The following ZNF536 variants were observed in gnomAD, a reference collection of about 807,000 sequenced individuals.
ZNF536 encodes zinc finger protein 536.
A neutral mutation model predicts 84.5 loss-of-function variants in ZNF536; 13 were observed. The observed-to-expected ratio is 0.15, with a 90% CI of 0.10 to 0.24. ZNF536 has a LOEUF of 0.24. Among genes scored for constraint, ZNF536 ranks in the 10% least tolerant of loss-of-function variants. ZNF536 has a pLI of 1.00. For missense variants in ZNF536, 1,536 were observed against 1,747.5 expected (o/e 0.88, Z 2.16); for synonymous variants, 811 against 742.5 (o/e 1.09, Z -1.50).
chr19:30,633,761 A>G (rs2048970895), intron 1 of ZNF536, among the ~76,000 whole-genome samples: 1 of 151,700 alleles, frequency 6.6e-6, no homozygotes, highest in Non-Finnish European at 1.5e-5. Context: ...TTTTGTAGAG[A>G]TGGGGTCTCA....
In ZNF536 at chr19:30,697,551, T is replaced by A. The variant is rs116555132; in HGVS notation, c.170-13206T>A. Among the ~76,000 whole-genome samples, 682 of 152,302 alleles carry A rather than the reference T, an allele frequency of 4.5e-3. 10 individuals carry two copies. The highest frequency in any genetic ancestry group is 0.015 in the African/African-American group (641 of 41,556). On this transcript the variant is annotated intron_variant, in intron 1 of 1. Transcript: ENST00000592773. ...CCTCACAGCAATCCTATTAGGGAGCTATTATTATTATTGCACCCATTTTAC... is the reference window on the plus strand; with the variant it reads ...CCTCACAGCAATCCTATTAGGGAGCAATTATTATTATTGCACCCATTTTAC...
chr19:30,440,881 GGATAGATAGATAGATAGATAGATAGATA>G (rs56021291), intron 1 of ZNF536, among the ~76,000 whole-genome samples: 50 of 145,672 alleles, frequency 3.4e-4, no homozygotes, highest in Admixed American at 1.0e-3. Context: ...ACTCTGGCCA[GGATAGATAGATAGATAGATAGATAGATA>G]GATAGATAGA....
intron 2 of ZNF536, among the ~76,000 whole-genome samples, chr19:30,500,012 C>T (rs2054885581): frequency 6.6e-6 from 1 of 152,346 alleles, no homozygotes. Flanking sequence ...ATAGCATTCC[C>T]TCCAGAAGTA....
At chr19:30,386,724 A>G (rs952695150) in intron 1 of ZNF536, among the ~76,000 whole-genome samples, 1 of 152,162 alleles carries the variant, frequency 6.6e-6, no homozygotes, top group Non-Finnish European at 1.5e-5. Context: ...ACATTTGCCA[A>G]CCTCAATATC....
At chr19:30,315,391 T>A (rs1002872079) in intron 2 of ZNF536, among the ~76,000 whole-genome samples, 2 of 151,882 alleles carry the variant, frequency 1.3e-5, no homozygotes, top group Admixed American at 6.6e-5. Context: ...GCCTGGAAAA[T>A]TGAGTCAGAG....
In ZNF536 at chr19:30,432,006, T is replaced by TATAC. The variant is rs149223384; in HGVS notation, c.-2-11554_-2-11553insTACA. On this transcript the variant is annotated intron_variant, in intron 1 of 4. Transcript: ENST00000355537. ...TTCATTAAAAGCATATATATATATA[T>TATAC]ACACACACACATACACACACACACA... Among the ~76,000 whole-genome samples the TATAC allele has an allele frequency of 4.8e-5, 7 of 146,078 alleles. 1 individual carries two copies. In the South Asian group the frequency reaches 1.6e-3, roughly 33 times the overall value.
At chr19:30,352,646 C>G (rs1024393119) in intron 3 of ZNF536, among the ~76,000 whole-genome samples, 2 of 152,156 alleles carry the variant, frequency 1.3e-5, no homozygotes, top group African/African-American at 4.8e-5. Flanking sequence ...AGATAGGAGT[C>G]CCGTACCTGC....
At chr19:30,491,287 A>G (rs2054499199) in intron 2 of ZNF536, among the ~76,000 whole-genome samples, 1 of 152,162 alleles carries the variant, frequency 6.6e-6, no homozygotes, top group Non-Finnish European at 1.5e-5. Context: ...CACAAGGTGA[A>G]CAAAATAAGA....
chr19:30,667,834 G>T (rs1411655465), intron 1 of ZNF536, among the ~76,000 whole-genome samples: 1 of 151,976 alleles, frequency 6.6e-6, no homozygotes, highest in African/African-American at 2.4e-5. Context: ...TGTCCTGAGT[G>T]CTTGCAATGT....
chr19:30,606,010 G>A (rs915876043), intron 1 of ZNF536, among the ~76,000 whole-genome samples: 2 of 151,862 alleles, frequency 1.3e-5, no homozygotes, highest in Non-Finnish European at 2.9e-5. Context: ...GTGAGATACT[G>A]AGCTGAGGCC....
intron 2 of ZNF536, among the ~76,000 whole-genome samples, chr19:30,531,469 G>T (rs962621051): frequency 1.3e-5 from 2 of 151,840 alleles, no homozygotes; most frequent in Non-Finnish European, 2.9e-5. Context: ...GAAGATTCAG[G>T]GGGTACATGT....
intron 1 of ZNF536, among the ~76,000 whole-genome samples, chr19:30,392,811 C>G (rs1427470518): frequency 6.6e-6 from 1 of 152,172 alleles, no homozygotes; most frequent in African/African-American, 2.4e-5. Flanking sequence ...TGTTTTTTCT[C>G]TGTCCTGAAA....
chr19:30,619,145 T>C (rs970162526), intron 1 of ZNF536, among the ~76,000 whole-genome samples: 2 of 152,306 alleles, frequency 1.3e-5, no homozygotes, highest in African/African-American at 4.8e-5. Context: ...CAAATACTCT[T>C]TTTTTTCGGG....
intron 1 of ZNF536, among the ~76,000 whole-genome samples, chr19:30,667,369 C>A (rs758256428): frequency 6.6e-6 from 1 of 152,166 alleles, no homozygotes; most frequent in Non-Finnish European, 1.5e-5. Flanking sequence ...GCCTGGTTGG[C>A]CCTTGGGTGC....
intron 1 of ZNF536, among the ~76,000 whole-genome samples, chr19:30,385,807 A>G (rs528718641): frequency 6.6e-6 from 1 of 152,086 alleles, no homozygotes; most frequent in Admixed American, 6.5e-5. Context: ...TGAAATCTGC[A>G]TGTGCGCACT....
At chr19:30,659,562 C>T (rs1277480617) in intron 1 of ZNF536, among the ~76,000 whole-genome samples, 1 of 152,186 alleles carries the variant, frequency 6.6e-6, no homozygotes, top group African/African-American at 2.4e-5. Flanking sequence ...TTCCACATGG[C>T]TGGGGAGGCC....
At chr19:30,234,021 G>T (rs1257398015) in intron 1 of ZNF536, among the ~76,000 whole-genome samples, 2 of 152,206 alleles carry the variant, frequency 1.3e-5, no homozygotes, top group South Asian at 4.1e-4. Flanking sequence ...GTAGGTGGTG[G>T]CAGGAAGGCA....
intron 1 of ZNF536, among the ~76,000 whole-genome samples, chr19:30,586,678 T>C (rs2047107544): frequency 6.6e-6 from 1 of 152,230 alleles, no homozygotes; most frequent in South Asian, 2.1e-4. Flanking sequence ...TGGAAATTAA[T>C]TACAGGTTCA....
chr19:30,304,196 C>A (rs921399168), intron 2 of ZNF536, among the ~76,000 whole-genome samples: 1 of 152,212 alleles, frequency 6.6e-6, no homozygotes, highest in African/African-American at 2.4e-5. Context: ...GGGACTACCT[C>A]CTGCACAAAC....
Sources: allele counts gnomAD v4.1 joint callset (sites outside exome capture counted in the v4.1 genomes callset), GRCh38; gene constraint gnomAD v4.1.1; transcripts MANE v1.5; gene names NCBI Gene and HGNC (gene_info 2026-07-23, HGNC 2026-07-21).